ZNF107: variants seen among roughly 807,000 people sequenced by gnomAD.
The protein encoded by ZNF107 is C2H2 type zinc-finger protein.
In ZNF107, 19 loss-of-function variants were observed where a neutral mutation model predicts 12.3. The ratio of observed to expected loss-of-function variants is 1.55; its 90% CI spans 1.08 to 2.27. ZNF107 has a LOEUF of 2.27. ZNF107 is among the 30% of genes most tolerant of loss of function. The pLI is 0.00. For synonymous variants in ZNF107, 317 were observed against 330.5 expected, an observed-to-expected ratio of 0.96 and a Z score of 0.44; for missense variants, 958 against 979.9, an observed-to-expected ratio of 0.98 and a Z score of 0.30.
chr7:64,670,717 T>C (rs1789188668), intron 1 of ZNF107, among the ~76,000 whole-genome samples: 1 of 152,220 alleles, frequency 6.6e-6, no homozygotes, highest in South Asian at 2.1e-4. Flanking sequence ...ATTATCTATG[T>C]GCTTCATCTT....
At position 64,686,918 on chromosome 7, in the gene ZNF107, C is replaced by T. The variant is rs1452502231; in HGVS notation, c.4-4330C>T. The T allele has an allele frequency of 6.1e-5, 60 of 985,422 alleles. No individual in the cohort carries two copies. The East Asian group carries it at 1.9e-3, about 32-fold the overall frequency. The allele number at this position is 985,422 out of a possible 1,614,324, so 61.0% of individuals were successfully genotyped here. ...CTGCTTGGGTCTTCAATCCAGACCA[C>T]GCTGTAACACACACTTACAAAATTC... On this transcript the variant is annotated intron_variant, in intron 1 of 3. Coordinates refer to ENST00000620827, the MANE Select transcript of ZNF107 (RefSeq NM_001282359.2).
In ZNF107 at chr7:64,706,542, A is replaced by G. The variant is rs1314438391; in HGVS notation, c.445A>G (p.Lys149Glu). ...ATPSKIFQCN[K>E]YVKVFDKFSN... is the part of the protein sequence containing the mutation. ...CCCAAGCAAAATATTCCAGTGTAAT[A>G]AATATGTGAAAGTCTTTGATAAATT... Residue 149 changes from lysine to glutamate, a missense_variant, in exon 4 of 4, where the codon AAA becomes GAA. Lys to Glu is a moderately conservative substitution (Grantham distance 56, BLOSUM62 1). Coordinates refer to ENST00000620827, the MANE Select transcript of ZNF107 (RefSeq NM_001282359.2). 2 of 1,609,408 alleles carry G rather than the reference A, an allele frequency of 1.2e-6. No individual in the cohort carries two copies. The highest frequency in any genetic ancestry group is 1.7e-4 in the Middle Eastern group (1 of 6,014).
At chr7:64,690,477 G>A (rs1461956911) in intron 1 of ZNF107, 1 of 981,486 alleles carries the variant, frequency 1.0e-6, no homozygotes, top group African/African-American at 1.8e-5. Flanking sequence ...TTTCCGGAGT[G>A]GTTGCTAACA....
rs199973113 is a variant in ZNF107, at chr7:64,708,644, T to C, written c.2547T>C (p.Tyr849=). 2 of 1,589,602 alleles carry C rather than the reference T, an allele frequency of 1.3e-6. No individual in the cohort carries two copies. The highest frequency in any genetic ancestry group is 1.1e-5 in the South Asian group (1 of 88,796). ...GAGAGAAACCCTACAAATGTGAGTA[T>C]GGCAAAACTTAATTGATCCTACAAG... ...HTGEKPYKCE[Y]GKT The change falls in exon 4 of 4, where the codon TAT becomes TAC. Residue 849 remains tyrosine (Y), a synonymous_variant. Transcript: ENST00000620827.
At chr7:64,669,956 G>C (rs1244075445) in intron 1 of ZNF107, among the ~76,000 whole-genome samples, 1 of 152,150 alleles carries the variant, frequency 6.6e-6, no homozygotes, top group Non-Finnish European at 1.5e-5. Flanking sequence ...AGGGAAGGGA[G>C]GTTATTAAAG....
Position 64,708,913 on chromosome 7 carries a change from C to A in ZNF107, c.*257C>A. 2 of 568,336 alleles carry A rather than the reference C, an allele frequency of 3.5e-6. No homozygotes were observed. The highest frequency in any genetic ancestry group is 3.1e-5 in the Admixed American group (1 of 32,224). 35.2% of individuals were successfully genotyped at this position (568,336 alleles called of 1,614,324 possible). A position where few individuals can be genotyped will look rare whatever the true frequency, so the allele number is the denominator to read the frequency against. Reference sequence around the variant, plus strand: ...AAATGTGGCAAATCCTTTAACTGATCCTCAACTTTTACTAAACATAAGGTA... The same window carrying A: ...AAATGTGGCAAATCCTTTAACTGATACTCAACTTTTACTAAACATAAGGTA... On this transcript the variant is annotated 3_prime_UTR_variant, in exon 4 of 4. Coordinates refer to ENST00000620827, the MANE Select transcript of ZNF107 (RefSeq NM_001282359.2).
At chr7:64,700,261 G>T (rs1184344784) in intron 3 of ZNF107, among the ~76,000 whole-genome samples, 2 of 152,054 alleles carry the variant, frequency 1.3e-5, no homozygotes. Flanking sequence ...CTCGTGAATA[G>T]CTTGGCGTCA....
chr7:64,666,361 A>T, intron 1 of ZNF107, 76 bp downstream of exon 1: 2 of 1,565,958 alleles, frequency 1.3e-6, no homozygotes, highest in Non-Finnish European at 1.7e-6. Flanking sequence ...CTGTGGCTGG[A>T]CTCGGGCCTC....
At chr7:64,671,143 T>C (rs1020957776) in intron 1 of ZNF107, among the ~76,000 whole-genome samples, 10 of 152,194 alleles carry the variant, frequency 6.6e-5, no homozygotes, top group Non-Finnish European at 1.2e-4. Flanking sequence ...TGCGACGCTC[T>C]ACCCTCCTGT....
In ZNF107 at chr7:64,706,397, G is replaced by A; in HGVS notation, c.300G>A (p.Leu100=). The change falls in exon 4 of 4, where the codon CTG becomes CTA. Residue 100 remains leucine (L), a synonymous_variant. Transcript: ENST00000620827. ...NIKDSFQKVT[L]RRYGKCEYEN... ...AAGATTCTTTCCAGAAAGTGACACT[G>A]AGAAGATACGGAAAATGTGAATATG... is the stretch of plus-strand genomic sequence containing the variant. 1 of 1,612,932 alleles carries A rather than the reference G, an allele frequency of 6.2e-7. No homozygotes were observed. The highest frequency in any genetic ancestry group is 8.5e-7 in the Non-Finnish European group (1 of 1,179,322).
At position 64,707,335 on chromosome 7, in the gene ZNF107, C is replaced by G. The variant is rs759694864; in HGVS notation, c.1238C>G (p.Thr413Ser). 7 of 1,613,034 alleles carry G rather than the reference C, an allele frequency of 4.3e-6. No homozygotes were observed. Residue 413 changes from threonine to serine, a missense_variant, in exon 4 of 4, where the codon ACT becomes AGT. By Grantham distance (58) the Thr-to-Ser change is moderately conservative (BLOSUM62 1). Coordinates refer to ENST00000620827, the MANE Select transcript of ZNF107 (RefSeq NM_001282359.2). ...GKVFNQFSTL[T>S]RHKIIHTGEK... ...GTCTTTAACCAGTTCTCAACTCTTA[C>G]TAGACATAAGATAATTCATACTGGA...
intron 3 of ZNF107, 141 bp from the exon 4 acceptor site, chr7:64,706,183 T>C (rs1347963516): frequency 6.5e-6 from 5 of 774,696 alleles, no homozygotes; most frequent in Non-Finnish European, 9.5e-6. Context: ...TACATTTATA[T>C]GTCTATGAAG....
At chr7:64,686,709 G>A (rs1789927871) in intron 1 of ZNF107, 4 of 932,472 alleles carry the variant, frequency 4.3e-6, no homozygotes, top group Non-Finnish European at 5.1e-6. Flanking sequence ...AAGAACAACG[G>A]GTTTCTGTTC....
At chr7:64,666,405 G>T (rs1250639472) in intron 1 of ZNF107, 120 bp downstream of exon 1, 2 of 1,383,080 alleles carry the variant, frequency 1.4e-6, no homozygotes, top group East Asian at 2.5e-5. Flanking sequence ...CCTTGGCGCA[G>T]CTCGGCCCTC....
rs1790868650 is a variant in ZNF107 at position 64,710,958 on chromosome 7, A to G, written c.*2302A>G. 6.6e-6 allele frequency: 1 copy of G among 152,198 alleles called. No homozygotes were observed. Among genetic ancestry groups the G allele is most frequent in the Admixed American group, 6.5e-5 (1 of 15,284 alleles). The allele number at this position is 152,198 out of a possible 1,614,324, so 9.4% of individuals were successfully genotyped here. ...ACCATTTTTAATCTTAGTTAAAATT[A>G]AAGTGAATTAGTAGTATATCATTTT... is the stretch of plus-strand genomic sequence containing the variant. On this transcript the variant is annotated 3_prime_UTR_variant, in exon 4 of 4. Coordinates refer to ENST00000620827, the MANE Select transcript of ZNF107 (RefSeq NM_001282359.2).
intron 1 of ZNF107, among the ~76,000 whole-genome samples, chr7:64,685,139 C>T (rs186068516): frequency 4.7e-4 from 72 of 152,300 alleles, no homozygotes; most frequent in African/African-American, 1.7e-3. Context: ...CTTTTACGCT[C>T]CTACATGTCC....
At chr7:64,668,813 GA>G (rs898139624) in intron 1 of ZNF107, among the ~76,000 whole-genome samples, 9 of 151,424 alleles carry the variant, frequency 5.9e-5, no homozygotes, top group African/African-American at 1.7e-4. Flanking sequence ...AAACAAAAAG[GA>G]AAAAAACCTC....
In ZNF107 at chr7:64,707,609, T is replaced by C. The variant is rs149585012; in HGVS notation, c.1512T>C (p.Thr504=). 9 of 1,612,752 alleles carry C rather than the reference T, an allele frequency of 5.6e-6. No individual in the cohort carries two copies. The East Asian group carries it at 2.0e-4, about 36-fold the overall frequency. ...STLTRHKKIH[T]GEKPYKCEEC... Reference sequence around the variant, plus strand: ...TTACTAGACATAAGAAAATTCATACTGGAGAGAAACCCTACAAATGTGAAG... The same window carrying C: ...TTACTAGACATAAGAAAATTCATACCGGAGAGAAACCCTACAAATGTGAAG... Residue 504 remains threonine, a synonymous_variant, in exon 4 of 4, where the codon ACT becomes ACC. Coordinates refer to ENST00000620827, the MANE Select transcript of ZNF107 (RefSeq NM_001282359.2).
At position 64,709,075 on chromosome 7, in the gene ZNF107, A is replaced by ACCAAT; in HGVS notation, c.*422_*426dup. On this transcript the variant is annotated 3_prime_UTR_variant, in exon 4 of 4. Transcript: ENST00000620827. ...TGTGAAGAATGTGGCAAAGCTTTTA[A>ACCAAT]CCAATCCTCATACCTTACTATACAG... 2 of 464,000 alleles carry ACCAAT rather than the reference A, an allele frequency of 4.3e-6. No homozygotes were observed. The highest frequency in any genetic ancestry group is 3.4e-5 in the South Asian group (2 of 59,578). 28.7% of individuals were successfully genotyped at this position (464,000 alleles called of 1,614,324 possible).
Sources: allele counts gnomAD v4.1 joint callset (sites outside exome capture counted in the v4.1 genomes callset), GRCh38; gene constraint gnomAD v4.1.1; transcripts MANE v1.5; gene names NCBI Gene and HGNC (gene_info 2026-07-23, HGNC 2026-07-21).